ACSL1: variants seen among roughly 807,000 people sequenced by gnomAD.
ACSL1 encodes the protein acyl-CoA synthetase long chain family member 1.
ACSL1 carries 41 observed loss-of-function variants against 98.4 expected under a neutral mutation model. That is an observed-to-expected ratio of 0.42 (90% confidence interval 0.32 to 0.54). The LOEUF is 0.54. Among genes scored for constraint, ACSL1 ranks in the 20% least tolerant of loss-of-function variants. The pLI is 0.13. For synonymous variants in ACSL1, 316 were observed against 322.7 expected, an observed-to-expected ratio of 0.98 and a Z score of 0.22; for missense variants, 734 against 883.1, an observed-to-expected ratio of 0.83 and a Z score of 2.14.
chr4:184,807,381 A>G (rs574127916), intron 1 of ACSL1, among the ~76,000 whole-genome samples: 6 of 152,244 alleles, frequency 3.9e-5, no homozygotes, highest in Admixed American at 3.9e-4. Context: ...CTGGGAACAC[A>G]TAAGGCTACT....
In ACSL1 at chr4:184,773,485, C is replaced by T. The variant is rs896748894; in HGVS notation, c.841+178G>A. ...CTCAATAAATGTTTGAGGAATTATC[C>T]GGCACTCTTGGACTCTGAGAAGATC... On this transcript the variant is annotated intron_variant, in intron 9 of 20. Transcript: ENST00000281455. The surrounding 1 kb of genome is among the most constrained non-coding windows in gnomAD (Gnocchi z 4.3). 2.6e-5 allele frequency among the ~76,000 whole-genome samples: 4 copies of T among 152,036 alleles called. No individual in the cohort carries two copies. The highest frequency in any genetic ancestry group is 9.7e-5 in the African/African-American group (4 of 41,382).
At chr4:184,786,418 G>GCACGCACA (rs1391886944) in intron 3 of ACSL1, among the ~76,000 whole-genome samples, 10 of 138,952 alleles carry the variant, frequency 7.2e-5, no homozygotes, top group Non-Finnish European at 1.5e-4. Flanking sequence ...TGGTGGCAAA[G>GCACGCACA]CACACACACA....
chr4:184,791,750 C>T (rs991438956), intron 2 of ACSL1, among the ~76,000 whole-genome samples: 3 of 152,016 alleles, frequency 2.0e-5, no homozygotes, highest in African/African-American at 4.8e-5. Context: ...AGTTGGGAGC[C>T]GGGAAGGACC....
At position 184,766,730 on chromosome 4, in the gene ACSL1, C is replaced by G; in HGVS notation, c.1155G>C (p.Leu385=). The change falls in exon 13 of 21, where the codon CTG becomes CTC. Residue 385 remains leucine (L), a synonymous_variant. Coordinates refer to ENST00000281455, the MANE Select transcript of ACSL1 (RefSeq NM_001995.5). This position sits in a 1 kb window ranked among gnomAD's most constrained non-coding sequence, Gnocchi z 4.8. The stretch of plus-strand genomic sequence containing the variant: ...AGGCAAAGTCCAAGAGCCATCGCTT[C>G]AGCGTGGTGTTTGCTTGTCCGAAAA... The part of the protein sequence containing the change: ...DRIFGQANTT[L]KRWLLDFASK... 1 of 1,613,542 alleles carries G rather than the reference C, an allele frequency of 6.2e-7. No homozygotes were observed. Among genetic ancestry groups the G allele is most frequent in the Non-Finnish European group, 8.5e-7 (1 of 1,179,526 alleles).
intron 1 of ACSL1, among the ~76,000 whole-genome samples, chr4:184,805,176 C>G (rs1771218782): frequency 6.6e-6 from 1 of 152,148 alleles, no homozygotes; most frequent in African/African-American, 2.4e-5. Context: ...AAATGCTCAT[C>G]ATCACTGGTC....
intron 1 of ACSL1, among the ~76,000 whole-genome samples, chr4:184,804,591 A>G (rs2150449805): frequency 6.6e-6 from 1 of 151,976 alleles, no homozygotes; most frequent in Admixed American, 6.5e-5. Context: ...AAAAAAGAAA[A>G]AAAAAAAAAA....
intron 1 of ACSL1, among the ~76,000 whole-genome samples, chr4:184,822,518 C>T (rs533191887): frequency 3.3e-5 from 5 of 152,106 alleles, no homozygotes; most frequent in Non-Finnish European, 5.9e-5. Context: ...GAGGGCAAAT[C>T]GCTTGAGCCC....
At chr4:184,815,942 G>A (rs1392248603) in intron 1 of ACSL1, among the ~76,000 whole-genome samples, 3 of 151,962 alleles carry the variant, frequency 2.0e-5, no homozygotes, top group African/African-American at 7.3e-5. Context: ...CCAACATGGC[G>A]AAACTCCATC....
In ACSL1 at chr4:184,773,794, A is replaced by T; in HGVS notation, c.789+49T>A. On this transcript the variant is annotated intron_variant, in intron 8 of 20. Coordinates refer to ENST00000281455, the MANE Select transcript of ACSL1 (RefSeq NM_001995.5). The surrounding 1 kb of genome is among the most constrained non-coding windows in gnomAD (Gnocchi z 4.3). ...TAAGCCACAAGGTACCAGGCTAGAT[A>T]TTGAAAACTACAAAGAGGACAGAGC... 1 of 1,613,756 alleles carries T rather than the reference A, an allele frequency of 6.2e-7. No individual in the cohort carries two copies. The highest frequency in any genetic ancestry group is 8.5e-7 in the Non-Finnish European group (1 of 1,179,824).
chr4:184,771,916 T>C (rs1764572330), intron 10 of ACSL1, among the ~76,000 whole-genome samples: 1 of 152,232 alleles, frequency 6.6e-6, no homozygotes, highest in Non-Finnish European at 1.5e-5. Flanking sequence ...GCATCCCAAG[T>C]AGTACTTCTC....
intron 7 of ACSL1, 136 bp downstream of exon 7, chr4:184,776,348 T>C (rs1765280682): frequency 2.3e-6 from 2 of 862,480 alleles, no homozygotes; most frequent in Non-Finnish European, 3.5e-6. Flanking sequence ...AAGTTTCTGC[T>C]CTCTTTCATG....
intron 4 of ACSL1, 32 bp downstream of exon 4, chr4:184,783,895 G>A: frequency 6.3e-7 from 1 of 1,590,732 alleles, no homozygotes; most frequent in Non-Finnish European, 8.6e-7. Context: ...CTTGCAAGAG[G>A]AGTCCACAGA....
At position 184,814,246 on chromosome 4, in the gene ACSL1, G is replaced by A. The variant is rs575157018; in HGVS notation, c.-32-10700C>T. Among the ~76,000 whole-genome samples the A allele has an allele frequency of 4.9e-5, 7 of 143,400 alleles. No individual in the cohort carries two copies. The East Asian group carries it at 8.3e-4, about 17-fold the overall frequency. The allele number at this position is 143,400 out of a possible 152,430, so 94.1% of individuals were successfully genotyped here. ...GCGGAGCTTGCAGTGAGCCAAGATC[G>A]TGCCACTGCTCTCCAGCCTGGGCGA... On this transcript the variant is annotated intron_variant, in intron 1 of 20. Coordinates refer to ENST00000281455, the MANE Select transcript of ACSL1 (RefSeq NM_001995.5).
At chr4:184,764,076 A>G (rs1308031502) in intron 15 of ACSL1, among the ~76,000 whole-genome samples, 4 of 152,204 alleles carry the variant, frequency 2.6e-5, no homozygotes, top group African/African-American at 9.7e-5. Context: ...AATACTTATA[A>G]TACTCCAAAT....
chr4:184,772,801 T>C (rs1306965906), intron 10 of ACSL1, among the ~76,000 whole-genome samples: 5 of 152,200 alleles, frequency 3.3e-5, no homozygotes, highest in African/African-American at 1.2e-4. Flanking sequence ...CTTGGACATG[T>C]TTCTAGGGCA....
chr4:184,760,859 A>C (rs1762763112), intron 17 of ACSL1, among the ~76,000 whole-genome samples: 1 of 152,246 alleles, frequency 6.6e-6, no homozygotes, highest in Admixed American at 6.5e-5. Flanking sequence ...AAGTGACTCA[A>C]GTTCCTTAAT....
At chr4:184,804,712 C>T (rs769975277) in intron 1 of ACSL1, among the ~76,000 whole-genome samples, 1 of 152,034 alleles carries the variant, frequency 6.6e-6, no homozygotes, top group South Asian at 2.1e-4. Context: ...TAAATGGAGA[C>T]GGAAATAGCA....
rs1339936006 is a variant in ACSL1 at position 184,773,272 on chromosome 4, A to C, written c.842-118T>G. ...TACTGTTAGATATATCGTGAAAACC[A>C]AATGTTGAACACTAAATTCCTAAGC... On this transcript the variant is annotated intron_variant, in intron 9 of 20. Transcript: ENST00000281455. The surrounding 1 kb of genome is among the most constrained non-coding windows in gnomAD (Gnocchi z 4.3). The C allele has an allele frequency of 1.1e-6, 1 of 890,826 alleles. No homozygotes were observed. The highest frequency in any genetic ancestry group is 1.7e-5 in the African/African-American group (1 of 59,570). The allele number at this position is 890,826 out of a possible 1,614,324, so 55.2% of individuals were successfully genotyped here. A position where few individuals can be genotyped will look rare whatever the true frequency, so the allele number is the denominator to read the frequency against.
intron 17 of ACSL1, 151 bp downstream of exon 17, chr4:184,762,256 T>C (rs920495373): frequency 2.3e-5 from 16 of 687,966 alleles, no homozygotes; most frequent in African/African-American, 2.0e-4. Flanking sequence ...CTGCAGGAAA[T>C]GGAACAGTCT....
Sources: gnomAD v4.1 joint callset for allele counts (sites outside exome capture counted in the v4.1 genomes callset) on GRCh38, gnomAD v4.1.1 for gene constraint, Gnocchi (gnomAD v3.1) non-coding constraint, MANE v1.5 for transcripts, NCBI Gene and HGNC (gene_info 2026-07-23, HGNC 2026-07-21) for gene names.